SNRNP200: variants seen among roughly 807,000 people sequenced by gnomAD.
SNRNP200 encodes U5 small nuclear ribonucleoprotein 200 kDa helicase.
A neutral mutation model predicts 255.2 loss-of-function variants in SNRNP200; 66 were observed. The ratio of observed to expected loss-of-function variants is 0.26; its 90% CI spans 0.21 to 0.32. SNRNP200 has a LOEUF of 0.32. Ranked by LOEUF, SNRNP200 falls within the 10% of genes least tolerant of loss-of-function variation. The pLI, the probability that SNRNP200 is intolerant of heterozygous loss-of-function variation, is 1.00. For missense variants in SNRNP200, 1,585 were observed against 2,749.8 expected (o/e 0.58, Z 9.47); for synonymous variants, 939 against 1,027.8 (o/e 0.91, Z 1.65).
rs1024742412 is a variant in SNRNP200, at chr2:96,283,786, C to T, written c.4584+27G>A. On this transcript the variant is annotated intron_variant, in intron 32 of 44. Transcript: ENST00000323853. The surrounding 1 kb of genome is among the most constrained non-coding windows in gnomAD (Gnocchi z 4.7). Reference sequence around the variant, plus strand: ...CACTCAGGATCTATGTGACACCCCACAGACGGATGAGGAGAGTGGGTCCTA... The same window carrying T: ...CACTCAGGATCTATGTGACACCCCATAGACGGATGAGGAGAGTGGGTCCTA... The T allele has an allele frequency of 5.0e-6, 8 of 1,613,942 alleles. No homozygotes were observed. The highest frequency in any genetic ancestry group is 1.3e-5 in the African/African-American group (1 of 75,020).
In SNRNP200 at chr2:96,283,587, G is replaced by C; in HGVS notation, c.4711C>G (p.Leu1571Val). Residue 1571 changes from leucine (L) to valine (V), a missense_variant, in exon 33 of 45, where the codon CTC becomes GTC. Transcript: ENST00000323853. This position sits in a 1 kb window ranked among gnomAD's most constrained non-coding sequence, Gnocchi z 4.7. ...GTGGTGAGGATGTCAATGGCAGTGA[G>C]GCGGGTCTGCTTGCGAGACGGCACA... is the stretch of plus-strand genomic sequence containing the variant. ...VFVPSRKQTR[L>V]TAIDILTTCA... 6.2e-7 allele frequency: 1 copy of C among 1,614,132 alleles called. No individual in the cohort carries two copies. The highest frequency in any genetic ancestry group is 8.5e-7 in the Non-Finnish European group (1 of 1,180,042).
chr2:96,291,698 G>T lies in SNRNP200; in HGVS notation c.2310+53C>A. Reference sequence around the variant, plus strand: ...CCTAGAGGAGCTGTCTGGGGCCTGAGATGGACACAGCTGCCAGGTAGGAAT... The same window carrying T: ...CCTAGAGGAGCTGTCTGGGGCCTGATATGGACACAGCTGCCAGGTAGGAAT... On this transcript the variant is annotated intron_variant, in intron 17 of 44. Coordinates refer to ENST00000323853, the MANE Select transcript of SNRNP200 (RefSeq NM_014014.5). This position sits in a 1 kb window ranked among gnomAD's most constrained non-coding sequence, Gnocchi z 4.2. 6.2e-7 allele frequency: 1 copy of T among 1,605,294 alleles called. No homozygotes were observed. The highest frequency in any genetic ancestry group is 8.5e-7 in the Non-Finnish European group (1 of 1,173,318).
chr2:96,284,641 C>T, intron 30 of SNRNP200, 56 bp from the exon 31 acceptor site: 1 of 1,271,700 alleles, frequency 7.9e-7, no homozygotes, highest in African/African-American at 1.5e-5. Flanking sequence ...GCATCTTTCA[C>T]TTATGTGAGG....
In SNRNP200 at chr2:96,275,282, C is replaced by T; in HGVS notation, c.6242G>A (p.Arg2081Lys). 1 of 1,614,188 alleles carries T rather than the reference C, an allele frequency of 6.2e-7. No homozygotes were observed. The highest frequency in any genetic ancestry group is 8.5e-7 in the Non-Finnish European group (1 of 1,180,038). ...CTTGGCCTTCTGCTGCAAGGTCAGC[C>T]TCTTGATGGAGATGAGGCTATTGGA... ...AKSNSLISIK[R>K]LTLQQKAKVK... is the part of the protein sequence containing the mutation. The change falls in exon 44 of 45, where the codon AGG becomes AAG. Residue 2081 changes from arginine to lysine, a missense_variant. By Grantham distance (26) the Arg-to-Lys change is conservative. Transcript: ENST00000323853.
intron 14 of SNRNP200, among the ~76,000 whole-genome samples, chr2:96,294,132 C>CA (rs149859993): frequency 0.015 from 1,271 of 85,020 alleles, 16 homozygotes; most frequent in African/African-American, 0.036. Flanking sequence ...TGCTCCATCT[C>CA]AAAAAAAAAA....
intron 3 of SNRNP200, 80 bp downstream of exon 3, chr2:96,303,079 G>A (rs748945109): frequency 1.1e-5 from 16 of 1,476,730 alleles, no homozygotes; most frequent in Admixed American, 3.3e-5. Context: ...TTAGCACTTC[G>A]AAGATTCCAA....
intron 35 of SNRNP200, chr2:96,281,570 A>G (rs1056519446): frequency 2.0e-6 from 1 of 501,556 alleles, no homozygotes; most frequent in African/African-American, 1.9e-5. Context: ...AACGTCAAAC[A>G]TTCCTCCTGG....
chr2:96,279,737 G>A, intron 35 of SNRNP200, 178 bp from the exon 36 acceptor site: 2 of 626,578 alleles, frequency 3.2e-6, no homozygotes, highest in Non-Finnish European at 5.9e-6. Context: ...TGGCTGGCCT[G>A]TATAACATTT....
intron 9 of SNRNP200, among the ~76,000 whole-genome samples, chr2:96,298,050 T>C (rs2063929738): frequency 6.6e-6 from 1 of 152,192 alleles, no homozygotes; most frequent in South Asian, 2.1e-4. Flanking sequence ...ATTTACTGTG[T>C]AAATAAACAA....
chr2:96,298,908 A>T lies in SNRNP200; in HGVS notation c.789T>A (p.Ile263=). The T allele has an allele frequency of 6.2e-7, 1 of 1,614,226 alleles. No homozygotes were observed. The highest frequency in any genetic ancestry group is 8.5e-7 in the Non-Finnish European group (1 of 1,180,046). ...GCTGCCGCTGCAGCCAAAATGCATC[A>T]ATATCCCGAGGGTGCAAATCCTTCT... ...SKKKDLHPRD[I]DAFWLQRQLS... is the part of the protein sequence containing the mutation. The change falls in exon 7 of 45, where the codon ATT becomes ATA. Residue 263 remains isoleucine, a synonymous_variant. Coordinates refer to ENST00000323853, the MANE Select transcript of SNRNP200 (RefSeq NM_014014.5).
chr2:96,304,316 A>C (rs1270826236), intron 2 of SNRNP200, among the ~76,000 whole-genome samples: 2 of 152,202 alleles, frequency 1.3e-5, no homozygotes, highest in Non-Finnish European at 2.9e-5. Context: ...ATGGATGCTT[A>C]AATTAGTTTG....
chr2:96,304,824 C>G lies in SNRNP200; in HGVS notation c.90G>C (p.Arg30=), dbSNP rs374762800. 1,060 of 1,614,150 alleles carry G rather than the reference C, an allele frequency of 6.6e-4. 13 individuals carry two copies. In the South Asian group the frequency reaches 8.8e-3, roughly 13 times the overall value. Residue 30 remains arginine, a synonymous_variant, in exon 2 of 45, where the codon CGG becomes CGC. Transcript: ENST00000323853. ...CTCCTGTGGGTTCATCCCGGCGGGT[C>G]CGGTCAATGAGAGAACGGTCAGCTT... is the stretch of plus-strand genomic sequence containing the variant. ...VLQADRSLID[R]TRRDEPTGEV...
chr2:96,301,400 AAC>A lies in SNRNP200; in HGVS notation c.574+122_574+123del, dbSNP rs2063951340. 8.2e-5 allele frequency: 89 copies of A among 1,079,042 alleles called. No homozygotes were observed. In the South Asian group the frequency reaches 1.1e-3, roughly 13 times the overall value. 66.8% of individuals were successfully genotyped at this position (1,079,042 alleles called of 1,614,324 possible). The stretch of plus-strand genomic sequence containing the variant: ...GTCCATCAATTGTAACTCTTCAAAA[AAC>A]ACAGAACAGATTATGGGAACTCACT... On this transcript the variant is annotated intron_variant, in intron 4 of 44. Transcript: ENST00000323853.
At chr2:96,279,639 A>G (rs564483254) in intron 35 of SNRNP200, 80 bp from the exon 36 acceptor site, 57 of 847,022 alleles carry the variant, frequency 6.7e-5, no homozygotes, top group Non-Finnish European at 1.1e-4. Context: ...CCCTTCGCCA[A>G]GTAAGAGTAA....
chr2:96,288,655 G>A lies in SNRNP200; in HGVS notation c.3258+8C>T, dbSNP rs766871818. On this transcript the variant is annotated splice_region_variant and intron_variant, in intron 24 of 44. Transcript: ENST00000323853. ...CTTCTCACAGCTGCCATACAACTCC[G>A]CTCTCACCTGTGTGACATACACCAT... is the stretch of plus-strand genomic sequence containing the variant. 7.4e-6 allele frequency: 12 copies of A among 1,611,930 alleles called. No homozygotes were observed. Among genetic ancestry groups the A allele is most frequent in the East Asian group, 4.5e-5 (2 of 44,872 alleles).
intron 35 of SNRNP200, among the ~76,000 whole-genome samples, chr2:96,280,280 T>C (rs1167840661): frequency 6.6e-6 from 1 of 152,090 alleles, no homozygotes; most frequent in Non-Finnish European, 1.5e-5. Flanking sequence ...GTGGATCACT[T>C]GAGCTCAGGA....
intron 13 of SNRNP200, 77 bp from the exon 14 acceptor site, chr2:96,295,735 G>C: frequency 6.7e-7 from 1 of 1,503,140 alleles, no homozygotes; most frequent in Non-Finnish European, 9.1e-7. Context: ...GGCAATTGGA[G>C]TGTAGGGCAT....
At chr2:96,282,162 A>G (rs2063803819) in intron 34 of SNRNP200, 1 of 490,114 alleles carries the variant, frequency 2.0e-6, no homozygotes. Flanking sequence ...AACAGAACCC[A>G]AAGCCCAGGA....
At chr2:96,293,578 C>T (rs968623184) in intron 14 of SNRNP200, 69 bp from the exon 15 acceptor site, 3 of 1,476,474 alleles carry the variant, frequency 2.0e-6, no homozygotes, top group African/African-American at 2.8e-5. Context: ...TGGAATTGTC[C>T]CATATTGTAG....
Sources: gnomAD v4.1 joint callset for allele counts (sites outside exome capture counted in the v4.1 genomes callset) on GRCh38, gnomAD v4.1.1 for gene constraint, Gnocchi (gnomAD v3.1) non-coding constraint, MANE v1.5 for transcripts, NCBI Gene and HGNC (gene_info 2026-07-23, HGNC 2026-07-21) for gene names.